LY86: variants seen among roughly 807,000 people sequenced by gnomAD.
The protein encoded by LY86 is MD-1, RP105-associated.
LY86 carries 20 observed loss-of-function variants against 17.3 expected under a neutral mutation model. That is an observed-to-expected ratio of 1.15 (90% confidence interval 0.81 to 1.68). The LOEUF is 1.68. Ranked by LOEUF, LY86 falls within the 40% of genes most tolerant of loss-of-function variation. The pLI, the probability that LY86 is intolerant of heterozygous loss-of-function variation, is 0.00. For synonymous variants in LY86, 74 were observed against 70.6 expected (o/e 1.05, Z -0.24); for missense variants, 200 against 191.9 (o/e 1.04, Z -0.25).
chr6:6,646,506 C>T (rs75096119), intron 3 of LY86, among the ~76,000 whole-genome samples: 8,654 of 152,236 alleles, frequency 0.057, 348 homozygotes, highest in African/African-American at 0.11. Context: ...ACACCTCAAC[C>T]ACCATCTCTT....
At chr6:6,595,097 G>C (rs932529379) in intron 1 of LY86, among the ~76,000 whole-genome samples, 3 of 151,912 alleles carry the variant, frequency 2.0e-5, no homozygotes, top group Non-Finnish European at 2.9e-5. Context: ...AGAAGGATGG[G>C]GAGGAAGAGG....
At chr6:6,608,401 A>G (rs112650867) in intron 1 of LY86, among the ~76,000 whole-genome samples, 2,538 of 152,340 alleles carry the variant, frequency 0.017, 75 homozygotes, top group African/African-American at 0.057. Context: ...AGAGTACATC[A>G]TTATACGTAT....
intron 1 of LY86, among the ~76,000 whole-genome samples, chr6:6,606,033 T>C (rs115956114): frequency 1.3e-3 from 192 of 152,274 alleles, no homozygotes; most frequent in African/African-American, 4.2e-3. Context: ...CAGCACGTAA[T>C]ACTACTCAAG....
At chr6:6,652,075 A>AGG (rs1208559565) in intron 4 of LY86, among the ~76,000 whole-genome samples, 1 of 148,210 alleles carries the variant, frequency 6.7e-6, no homozygotes. Context: ...AAAAAAAAAA[A>AGG]AAAAAAGGAA....
rs1761517704 is a variant in LY86 at position 6,614,977 on chromosome 6, C to T, written c.137-9949C>T. Among the ~76,000 whole-genome samples, 4 of 152,310 alleles carry T rather than the reference C, an allele frequency of 2.6e-5. No individual in the cohort carries two copies. In the South Asian group the frequency reaches 8.3e-4, roughly 32 times the overall value. ...AAGGGCTAAGCGGAGGCGGCTGCCT[C>T]TTAACGCTTCATAAATTCTGTACAC... On this transcript the variant is annotated intron_variant, in intron 1 of 4. Coordinates refer to ENST00000230568, the MANE Select transcript of LY86 (RefSeq NM_004271.4).
chr6:6,601,402 T>G (rs967533682), intron 1 of LY86, among the ~76,000 whole-genome samples: 1 of 151,952 alleles, frequency 6.6e-6, no homozygotes, highest in African/African-American at 2.4e-5. Flanking sequence ...GAGGGTAAGC[T>G]GCAATATACA....
intron 1 of LY86, among the ~76,000 whole-genome samples, chr6:6,607,149 G>A (rs909297029): frequency 2.6e-5 from 4 of 152,266 alleles, no homozygotes; most frequent in African/African-American, 9.6e-5. Context: ...GAACATTAAA[G>A]CATTCTCATG....
intron 1 of LY86, among the ~76,000 whole-genome samples, chr6:6,613,627 C>T (rs1047471403): frequency 2.0e-5 from 3 of 152,232 alleles, no homozygotes; most frequent in African/African-American, 7.2e-5. Flanking sequence ...CCTGCGCTTC[C>T]CCCTTCATAT....
intron 3 of LY86, among the ~76,000 whole-genome samples, chr6:6,635,119 G>A (rs1465192395): frequency 7.2e-5 from 11 of 152,150 alleles, no homozygotes; most frequent in Admixed American, 7.2e-4. Context: ...AGGAATTCAG[G>A]CATTGATTTA....
chr6:6,613,755 G>A (rs1761470472), intron 1 of LY86, among the ~76,000 whole-genome samples: 1 of 152,232 alleles, frequency 6.6e-6, no homozygotes, highest in Non-Finnish European at 1.5e-5. Flanking sequence ...CCAAGGCCGA[G>A]GAGGCCCCAA....
intron 1 of LY86, among the ~76,000 whole-genome samples, chr6:6,596,586 G>A (rs142722471): frequency 0.014 from 2,148 of 152,304 alleles, 48 homozygotes; most frequent in African/African-American, 0.05. Context: ...GACTCTGGGC[G>A]CGCAGGATTG....
At chr6:6,594,940 T>C (rs970289293) in intron 1 of LY86, among the ~76,000 whole-genome samples, 2 of 152,170 alleles carry the variant, frequency 1.3e-5, no homozygotes, top group African/African-American at 4.8e-5. Context: ...CTCAGTGACA[T>C]AGAGCTATGT....
chr6:6,626,079 GA>G (rs1351738926), intron 2 of LY86, among the ~76,000 whole-genome samples: 1 of 152,198 alleles, frequency 6.6e-6, no homozygotes, highest in Non-Finnish European at 1.5e-5. Context: ...GGTATTTTGA[GA>G]AACAGCCACC....
At chr6:6,595,293 G>C (rs1483730430) in intron 1 of LY86, among the ~76,000 whole-genome samples, 5 of 148,210 alleles carry the variant, frequency 3.4e-5, no homozygotes, top group African/African-American at 1.3e-4. Context: ...AGGTGGGGAA[G>C]AAGAGGAGAA....
intron 1 of LY86, among the ~76,000 whole-genome samples, chr6:6,590,707 TG>T (rs1264528969): frequency 2.0e-5 from 3 of 152,106 alleles, no homozygotes. Flanking sequence ...GGGGGCAAAA[TG>T]CCGTTTGAAC....
intron 1 of LY86, among the ~76,000 whole-genome samples, chr6:6,603,863 T>G (rs1429515656): frequency 6.6e-6 from 1 of 150,938 alleles, no homozygotes; most frequent in Non-Finnish European, 1.5e-5. Flanking sequence ...TAAGAAATAA[T>G]AAAAGAAACA....
chr6:6,605,751 C>T (rs970668190), intron 1 of LY86, among the ~76,000 whole-genome samples: 7 of 152,192 alleles, frequency 4.6e-5, no homozygotes, highest in African/African-American at 7.2e-5. Flanking sequence ...GCAGTGTGTC[C>T]AGAACTTATT....
At chr6:6,590,325 G>C (rs1004484695) in intron 1 of LY86, among the ~76,000 whole-genome samples, 2 of 152,130 alleles carry the variant, frequency 1.3e-5, no homozygotes, top group African/African-American at 4.8e-5. Flanking sequence ...GCCGGTAGTA[G>C]AGACAACATG....
intron 1 of LY86, among the ~76,000 whole-genome samples, chr6:6,600,600 A>T (rs867226937): frequency 4.0e-3 from 54 of 13,498 alleles, no homozygotes; most frequent in Middle Eastern, 0.036. Flanking sequence ...AAAAAAAAAA[A>T]AAAAAAAAAA....
Sources: allele counts gnomAD v4.1 joint callset (sites outside exome capture counted in the v4.1 genomes callset), GRCh38; gene constraint gnomAD v4.1.1; transcripts MANE v1.5; gene names NCBI Gene and HGNC (gene_info 2026-07-23, HGNC 2026-07-21).